The following MGST1 variants were observed in gnomAD, a reference collection of about 807,000 sequenced individuals.
The protein encoded by MGST1 is glutathione S-transferase 12.
In MGST1, 5 loss-of-function variants were observed where a neutral mutation model predicts 8.9. The ratio of observed to expected loss-of-function variants is 0.56; its 90% CI spans 0.29 to 1.19. The LOEUF (loss-of-function observed/expected upper bound fraction) is 1.19, where lower values mean the gene tolerates loss of function less well. MGST1 is among the 50% of genes most tolerant of loss of function. The probability of loss-of-function intolerance (pLI) is 0.08; values close to 1 mark genes in which losing one functional copy is unlikely to be tolerated. For missense variants in MGST1, 182 were observed against 187.4 expected (o/e 0.97, Z 0.17); for synonymous variants, 54 against 67.8 (o/e 0.80, Z 1.00).
intron 4 of MGST1, among the ~76,000 whole-genome samples, chr12:16,494,823 A>C (rs568862569): frequency 1.3e-5 from 2 of 152,164 alleles, no homozygotes; most frequent in Non-Finnish European, 2.9e-5. Flanking sequence ...CAAAACAGAA[A>C]GCCAGATTGT....
chr12:16,494,296 A>G (rs1046022839), intron 4 of MGST1, among the ~76,000 whole-genome samples: 2 of 152,150 alleles, frequency 1.3e-5, no homozygotes, highest in Non-Finnish European at 2.9e-5. Flanking sequence ...CATCTCTGTG[A>G]TGCATGTTGA....
At chr12:16,507,143 T>A (rs1941543150) in intron 4 of MGST1, among the ~76,000 whole-genome samples, 1 of 152,158 alleles carries the variant, frequency 6.6e-6, no homozygotes, top group Non-Finnish European at 1.5e-5. Flanking sequence ...GAAGATGTAT[T>A]CCCTAGATAG....
At chr12:16,549,991 G>GTGTT (rs1269615605) in intron 4 of MGST1, 1 of 151,966 alleles carries the variant, frequency 6.6e-6, no homozygotes, top group East Asian at 1.9e-4. Flanking sequence ...CAAACTTAAA[G>GTGTT]TGTTTACTTT....
chr12:16,414,068 A>AT (rs887838481), intron 1 of MGST1, among the ~76,000 whole-genome samples: 38 of 140,464 alleles, frequency 2.7e-4, no homozygotes, highest in South Asian at 4.8e-4. Context: ...TATACAAAAA[A>AT]AAAAATAATA....
chr12:16,450,074 G>T (rs917446677), intron 4 of MGST1, among the ~76,000 whole-genome samples: 1 of 151,964 alleles, frequency 6.6e-6, no homozygotes. Context: ...GGACAGATGA[G>T]AATAAGTTAT....
At chr12:16,541,147 T>C (rs1473868479) in intron 4 of MGST1, among the ~76,000 whole-genome samples, 2 of 152,194 alleles carry the variant, frequency 1.3e-5, no homozygotes, top group African/African-American at 2.4e-5. Flanking sequence ...AGTCTATTTG[T>C]ATACCAAGAC....
In MGST1 at chr12:16,484,776, AACACTGGGGATT is replaced by A. The variant is rs556470727; in HGVS notation, n.482+101176_482+101187del. On this transcript the variant is annotated intron_variant and non_coding_transcript_variant, in intron 4 of 4. Transcript: ENST00000538857. The stretch of plus-strand genomic sequence containing the variant: ...TCACCTCCCACCAGGCCTGTCCTCC[AACACTGGGGATT>A]ACAATGTGACATGAGATTTGATCAG... Among the ~76,000 whole-genome samples the A allele has an allele frequency of 3.9e-3, 589 of 152,338 alleles. 3 individuals carry two copies. The highest frequency in any genetic ancestry group is 0.014 in the African/African-American group (564 of 41,574).
chr12:16,589,436 C>T lies in MGST1; in HGVS notation n.483-92C>T, dbSNP rs1432489139. 6.6e-6 allele frequency: 1 copy of T among 151,622 alleles called. No individual in the cohort carries two copies. The highest frequency in any genetic ancestry group is 2.4e-5 in the African/African-American group (1 of 41,244). The allele number at this position is 151,622 out of a possible 1,614,324, so 9.4% of individuals were successfully genotyped here. A position where few individuals can be genotyped will look rare whatever the true frequency, so the allele number is the denominator to read the frequency against. The stretch of plus-strand genomic sequence containing the variant: ...GTGACTTCACAGTAAAAAATTAGGT[C>T]GTAGTGCAGATGAAAGCCTCCGTAT... On this transcript the variant is annotated intron_variant and non_coding_transcript_variant, in intron 4 of 4. Coordinates refer to the MGST1 transcript ENST00000538857. The surrounding 1 kb of genome is among the most constrained non-coding windows in gnomAD (Gnocchi z 4.2).
chr12:16,394,424 T>C (rs1940581947), intron 1 of MGST1, among the ~76,000 whole-genome samples: 1 of 151,162 alleles, frequency 6.6e-6, no homozygotes, highest in South Asian at 2.1e-4. Context: ...CTCACTCTCT[T>C]CCTCCCTCCC....
chr12:16,460,924 T>C (rs1941213746), intron 4 of MGST1, among the ~76,000 whole-genome samples: 2 of 152,072 alleles, frequency 1.3e-5, no homozygotes, highest in Admixed American at 6.6e-5. Context: ...TTTCTGGGTA[T>C]CTCTTAAATC....
chr12:16,387,927 G>A (rs7313129), intron 1 of MGST1, among the ~76,000 whole-genome samples: 65,974 of 151,564 alleles, frequency 0.44, 15,578 homozygotes, highest in African/African-American at 0.61. Context: ...AACATGCTAC[G>A]TAGATTTGTA....
intron 1 of MGST1, among the ~76,000 whole-genome samples, chr12:16,405,562 C>T (rs942445930): frequency 6.6e-6 from 1 of 152,140 alleles, no homozygotes; most frequent in African/African-American, 2.4e-5. Context: ...CCAACTCATT[C>T]TATGAATCCA....
At chr12:16,406,750 C>G (rs1940700561) in intron 1 of MGST1, among the ~76,000 whole-genome samples, 1 of 152,144 alleles carries the variant, frequency 6.6e-6, no homozygotes, top group South Asian at 2.1e-4. Context: ...AGAAATAAAG[C>G]TGCACGCCTA....
chr12:16,570,676 C>A (rs566256033), intron 4 of MGST1, among the ~76,000 whole-genome samples: 2 of 152,118 alleles, frequency 1.3e-5, no homozygotes, highest in Non-Finnish European at 2.9e-5. Context: ...GAAACACGAA[C>A]GAGTGATTGG....
chr12:16,567,267 A>T, intron 4 of MGST1: 1 of 163,656 alleles, frequency 6.1e-6, no homozygotes, highest in Non-Finnish European at 1.3e-5. Flanking sequence ...GCAATAATTC[A>T]TGGTATTGAG....
chr12:16,524,069 T>C (rs577661959), intron 4 of MGST1, among the ~76,000 whole-genome samples: 2 of 152,250 alleles, frequency 1.3e-5, no homozygotes, highest in East Asian at 3.9e-4. Context: ...CTTTCCTCAG[T>C]TCAGACTTTA....
At chr12:16,478,217 A>C (rs1417373613) in intron 4 of MGST1, among the ~76,000 whole-genome samples, 1 of 152,076 alleles carries the variant, frequency 6.6e-6, no homozygotes, top group East Asian at 1.9e-4. Context: ...TTTAGCAGAG[A>C]CGGGGTTTCA....
rs574943739 is a variant in MGST1, at chr12:16,399,149, G to A, written n.778+15545G>A. 5.2e-5 allele frequency: 51 copies of A among 982,168 alleles called. 2 individuals are homozygous for A. The highest frequency in any genetic ancestry group is 3.1e-4 in the South Asian group (20 of 63,506). 60.8% of individuals were successfully genotyped at this position (982,168 alleles called of 1,614,324 possible). ...AGATTGGTCCACATAAATGGCCCCC[G>A]AAACCCATAAACACAAATGGCAAAA... On this transcript the variant is annotated intron_variant and non_coding_transcript_variant, in intron 1 of 1. Coordinates refer to the MGST1 transcript ENST00000359720.
rs551506155 is a variant in MGST1 at position 16,486,268 on chromosome 12, G to A, written n.482+102664G>A. On this transcript the variant is annotated intron_variant and non_coding_transcript_variant, in intron 4 of 4. Coordinates refer to the MGST1 transcript ENST00000538857. ...TTTGTATGTCTCTTTACATTAGAAT[G>A]TAAGTTTCATCAGCTAAGGGAGTTT... Among the ~76,000 whole-genome samples the A allele has an allele frequency of 5.3e-5, 8 of 152,280 alleles. No homozygotes were observed. In the South Asian group the frequency reaches 8.3e-4, roughly 16 times the overall value.
Sources: gnomAD v4.1 joint callset for allele counts (sites outside exome capture counted in the v4.1 genomes callset) on GRCh38, gnomAD v4.1.1 for gene constraint, Gnocchi (gnomAD v3.1) non-coding constraint, MANE v1.5 for transcripts, NCBI Gene and HGNC (gene_info 2026-07-23, HGNC 2026-07-21) for gene names.